The following KCNMA1 variants were observed in gnomAD, a reference collection of about 807,000 sequenced individuals.
KCNMA1 encodes Calcium-activated potassium channel subunit alpha-1.
In KCNMA1, 29 loss-of-function variants were observed where a neutral mutation model predicts 140.0. The observed-to-expected ratio is 0.21, with a 90% confidence interval of 0.15 to 0.28. The LOEUF (loss-of-function observed/expected upper bound fraction) is 0.28. KCNMA1 is among the 10% of genes least tolerant of loss of function. The probability of loss-of-function intolerance (pLI) is 1.00; values close to 1 mark genes in which losing one functional copy is unlikely to be tolerated. For missense variants in KCNMA1, 880 were observed against 1,602.2 expected, an observed-to-expected ratio of 0.55 and a Z score of 7.70; for synonymous variants, 612 against 611.9, an observed-to-expected ratio of 1.00 and a Z score of 0.00.
At chr10:77,576,678 G>A (rs532762393) in intron 1 of KCNMA1, among the ~76,000 whole-genome samples, 18 of 152,256 alleles carry the variant, frequency 1.2e-4, no homozygotes, top group South Asian at 4.1e-4. Flanking sequence ...AAGGAGTGAC[G>A]CTAACAGCTG....
chr10:77,197,720 G>A (rs1208490255), intron 3 of KCNMA1, among the ~76,000 whole-genome samples: 2 of 152,280 alleles, frequency 1.3e-5, no homozygotes, highest in African/African-American at 2.4e-5. Flanking sequence ...TAACCTGGAG[G>A]CGACAACCGA....
intron 1 of KCNMA1, among the ~76,000 whole-genome samples, chr10:77,474,136 G>A (rs542636503): frequency 3.3e-5 from 5 of 152,174 alleles, no homozygotes; most frequent in Admixed American, 1.3e-4. Context: ...GAAGACAGGG[G>A]TGAAAACGCA....
intron 14 of KCNMA1, among the ~76,000 whole-genome samples, chr10:77,051,931 T>A (rs2095382189): frequency 1.3e-5 from 2 of 152,218 alleles, no homozygotes; most frequent in African/African-American, 4.8e-5. Flanking sequence ...TGAGCATGTG[T>A]TCTAACCATA....
chr10:77,457,725 G>C (rs1043409278), intron 1 of KCNMA1, among the ~76,000 whole-genome samples: 10 of 151,998 alleles, frequency 6.6e-5, no homozygotes, highest in African/African-American at 2.4e-4. Context: ...CCTCCAGCAC[G>C]GGCATTCTGA....
In KCNMA1 at chr10:76,949,355, T is replaced by C. The variant is rs778588355; in HGVS notation, c.2496A>G (p.Glu832=). The C allele has an allele frequency of 8.7e-6, 14 of 1,613,678 alleles. No homozygotes were observed. In the African/African-American group the frequency reaches 1.3e-4, roughly 15 times the overall value. The change falls in exon 22 of 28, where the codon GAA becomes GAG. Residue 832 remains glutamate, a synonymous_variant. Coordinates refer to ENST00000286628, the MANE Select transcript of KCNMA1 (RefSeq NM_001161352.2). ...GGCCACTCAGGACGGTCATGGCAGC[T>C]TCACTTCGAGTCTACAACAGGGAGA... ...EIEKVILTRS[E]AAMTVLSGHV...
chr10:77,301,811 C>A (rs142926277), intron 2 of KCNMA1, among the ~76,000 whole-genome samples: 1 of 149,560 alleles, frequency 6.7e-6, no homozygotes, highest in Non-Finnish European at 1.5e-5. Context: ...GAGAAAGCTA[C>A]GCTAGGCATC....
At chr10:76,985,782 G>T (rs1329777634) in intron 19 of KCNMA1, among the ~76,000 whole-genome samples, 1 of 152,196 alleles carries the variant, frequency 6.6e-6, no homozygotes, top group Admixed American at 6.5e-5. Flanking sequence ...GCACATTGTG[G>T]CTTCACTGGA....
intron 2 of KCNMA1, among the ~76,000 whole-genome samples, chr10:77,346,182 G>A (rs1360815662): frequency 2.0e-5 from 3 of 152,198 alleles, no homozygotes; most frequent in South Asian, 2.1e-4. Flanking sequence ...ACAGACTCAG[G>A]TTAGCCCCAA....
intron 19 of KCNMA1, among the ~76,000 whole-genome samples, chr10:76,994,788 G>A (rs942582855): frequency 6.6e-6 from 1 of 152,210 alleles, no homozygotes; most frequent in Non-Finnish European, 1.5e-5. Flanking sequence ...GTTTTGAAGA[G>A]CATGCTGGCA....
intron 15 of KCNMA1, among the ~76,000 whole-genome samples, chr10:77,037,686 G>T (rs574176698): frequency 2.8e-4 from 42 of 152,288 alleles, no homozygotes; most frequent in African/African-American, 9.6e-4. Context: ...AGCCCCTGCT[G>T]ACACCCTCAC....
At chr10:77,460,293 T>C (rs2097841707) in intron 1 of KCNMA1, among the ~76,000 whole-genome samples, 1 of 152,166 alleles carries the variant, frequency 6.6e-6, no homozygotes, top group South Asian at 2.1e-4. Context: ...ACCCATCCTT[T>C]AAGACCAAGC....
chr10:77,391,647 T>TGTTG (rs201472649), intron 2 of KCNMA1, among the ~76,000 whole-genome samples: 7 of 149,242 alleles, frequency 4.7e-5, no homozygotes, highest in Non-Finnish European at 8.8e-5. Context: ...TTTGTTTGTT[T>TGTTG]TTTTCTGGAA....
chr10:77,553,337 T>C (rs2063319889), intron 1 of KCNMA1, among the ~76,000 whole-genome samples: 1 of 152,212 alleles, frequency 6.6e-6, no homozygotes. Context: ...TAAATGACTC[T>C]TCCCCCATTG....
At chr10:76,941,018 G>GAAAGAAAGAAAGAAAGAGA (rs2061877247) in intron 23 of KCNMA1, among the ~76,000 whole-genome samples, 31 of 38,256 alleles carry the variant, frequency 8.1e-4, no homozygotes, top group African/African-American at 3.9e-3. Context: ...AGGAAGGAAG[G>GAAAGAAAGAAAGAAAGAGA]AAGAAAGAAA....
At chr10:77,206,707 C>A (rs1667786154) in intron 3 of KCNMA1, among the ~76,000 whole-genome samples, 1 of 147,756 alleles carries the variant, frequency 6.8e-6, no homozygotes, top group Admixed American at 6.9e-5. Context: ...ACTGTTTCAC[C>A]AAAACCTACA....
At chr10:77,236,667 A>C (rs911498127) in intron 3 of KCNMA1, among the ~76,000 whole-genome samples, 32 of 152,270 alleles carry the variant, frequency 2.1e-4, no homozygotes, top group African/African-American at 7.7e-4. Flanking sequence ...ACATTTATAC[A>C]GTATACATAC....
chr10:77,466,066 G>A (rs145463939), intron 1 of KCNMA1, among the ~76,000 whole-genome samples: 13 of 152,306 alleles, frequency 8.5e-5, no homozygotes, highest in Non-Finnish European at 1.5e-4. Flanking sequence ...GGAGCATCAG[G>A]AACTAAGGCA....
intron 1 of KCNMA1, among the ~76,000 whole-genome samples, chr10:77,565,716 C>G (rs968452647): frequency 6.6e-6 from 1 of 152,228 alleles, no homozygotes; most frequent in Admixed American, 6.5e-5. Flanking sequence ...TGGTGCAGTG[C>G]TTAGTACTTG....
intron 1 of KCNMA1, among the ~76,000 whole-genome samples, chr10:77,631,106 CAAA>C (rs397944676): frequency 6.5e-5 from 4 of 61,308 alleles, no homozygotes; most frequent in Non-Finnish European, 8.6e-5. Context: ...GACCCTGTCC[CAAA>C]AAAAAAAAAA....
Sources: allele counts gnomAD v4.1 joint callset (sites outside exome capture counted in the v4.1 genomes callset), GRCh38; gene constraint gnomAD v4.1.1; transcripts MANE v1.5; gene names NCBI Gene and HGNC (gene_info 2026-07-23, HGNC 2026-07-21).